The following GHR variants were observed in gnomAD, a reference collection of about 807,000 sequenced individuals.
GHR encodes GH receptor.
Under a neutral mutation model 67.1 loss-of-function variants are expected in GHR, and 35 were observed. The ratio of observed to expected loss-of-function variants is 0.52; its 90% CI spans 0.40 to 0.69. The LOEUF is 0.69. GHR is among the 30% of genes least tolerant of loss of function. The pLI is 0.00. For missense variants in GHR, 792 were observed against 764.6 expected, an observed-to-expected ratio of 1.04 and a Z score of -0.42; for synonymous variants, 272 against 269.1, an observed-to-expected ratio of 1.01 and a Z score of -0.10.
chr5:42,470,654 C>T (rs1313880665), intron 1 of GHR, among the ~76,000 whole-genome samples: 31 of 152,176 alleles, frequency 2.0e-4, no homozygotes, highest in Non-Finnish European at 8.8e-5. Flanking sequence ...GAGCAAAATT[C>T]TAAACTTACA....
chr5:42,524,587 G>A (rs888516149), intron 1 of GHR, among the ~76,000 whole-genome samples: 7 of 152,126 alleles, frequency 4.6e-5, no homozygotes, highest in Non-Finnish European at 7.4e-5. Flanking sequence ...AATTCAAGCC[G>A]GCTGCAGAAA....
chr5:42,428,199 G>A (rs1176095665), intron 1 of GHR, among the ~76,000 whole-genome samples: 1 of 152,202 alleles, frequency 6.6e-6, no homozygotes, highest in Non-Finnish European at 1.5e-5. Flanking sequence ...CCAAACCTCA[G>A]TTCTTGTCTT....
intron 3 of GHR, among the ~76,000 whole-genome samples, chr5:42,642,168 A>G (rs1754509902): frequency 6.6e-6 from 1 of 152,204 alleles, no homozygotes; most frequent in Non-Finnish European, 1.5e-5. Context: ...GCAAGAAGTC[A>G]TAGAAGACCA....
At chr5:42,671,753 G>C (rs1437104675) in intron 3 of GHR, among the ~76,000 whole-genome samples, 3 of 151,454 alleles carry the variant, frequency 2.0e-5, no homozygotes, top group Non-Finnish European at 4.4e-5. Context: ...TCAGGAGATC[G>C]AGACCATCCC....
At chr5:42,606,985 C>T (rs1187355723) in intron 2 of GHR, among the ~76,000 whole-genome samples, 1 of 152,102 alleles carries the variant, frequency 6.6e-6, no homozygotes, top group Non-Finnish European at 1.5e-5. Context: ...TCTGTGTCCC[C>T]ACCCAAAGAT....
At chr5:42,505,051 T>A (rs1746701568) in intron 1 of GHR, among the ~76,000 whole-genome samples, 1 of 152,086 alleles carries the variant, frequency 6.6e-6, no homozygotes, top group Admixed American at 6.5e-5. Context: ...CAGGTCAGAT[T>A]TTAACTACGT....
chr5:42,691,366 C>T (rs1366384016), intron 4 of GHR, among the ~76,000 whole-genome samples: 2 of 152,170 alleles, frequency 1.3e-5, no homozygotes, highest in African/African-American at 2.4e-5. Context: ...TATGAGCCCA[C>T]AGCCCAGTTT....
chr5:42,711,763 A>G (rs549323547), intron 7 of GHR, among the ~76,000 whole-genome samples: 10 of 152,276 alleles, frequency 6.6e-5, no homozygotes, highest in Admixed American at 3.3e-4. Context: ...GAAAGTATGT[A>G]TCTATATGGA....
chr5:42,441,514 GT>G (rs35357870), intron 1 of GHR, among the ~76,000 whole-genome samples: 30,364 of 146,852 alleles, frequency 0.21, 3,352 homozygotes, highest in Middle Eastern at 0.3. Context: ...TAAAGGAGGA[GT>G]TTTTTTTTTT....
rs1239619864 is a variant in GHR at position 42,484,412 on chromosome 5, A to G, written c.-12+60457A>G. ...GATTTCCAGACATTGTAAAGAGTAA[A>G]TGCATCAGAAATAAGCATTTTCCAG... is the stretch of plus-strand genomic sequence containing the variant. On this transcript the variant is annotated intron_variant, in intron 1 of 9. Transcript: ENST00000230882. Among the ~76,000 whole-genome samples the G allele has an allele frequency of 1.3e-4, 20 of 152,256 alleles. 1 individual carries two copies. Among genetic ancestry groups the G allele is most frequent in the Admixed American group, 1.3e-3 (20 of 15,288 alleles).
chr5:42,692,333 C>T (rs1404998471), intron 4 of GHR, among the ~76,000 whole-genome samples: 5 of 151,642 alleles, frequency 3.3e-5, no homozygotes, highest in African/African-American at 1.2e-4. Context: ...TGGTTCTCAC[C>T]CCTTCCATTT....
chr5:42,447,198 G>A (rs912018572), intron 1 of GHR, among the ~76,000 whole-genome samples: 4 of 151,876 alleles, frequency 2.6e-5, no homozygotes, highest in Non-Finnish European at 4.4e-5. Context: ...TTGGTTCCAC[G>A]AATAAGTTCT....
intron 1 of GHR, among the ~76,000 whole-genome samples, chr5:42,505,618 G>A (rs1185054443): frequency 6.6e-6 from 1 of 152,122 alleles, no homozygotes; most frequent in Admixed American, 6.5e-5. Context: ...ACTTGGGTTT[G>A]AGTCAGAAGC....
At chr5:42,479,480 C>A (rs1303852780) in intron 1 of GHR, among the ~76,000 whole-genome samples, 2 of 152,224 alleles carry the variant, frequency 1.3e-5, no homozygotes, top group Non-Finnish European at 2.9e-5. Flanking sequence ...CTCCTTGTAC[C>A]TCTGGTAGAA....
intron 1 of GHR, among the ~76,000 whole-genome samples, chr5:42,532,733 T>G (rs976879110): frequency 6.6e-6 from 1 of 152,198 alleles, no homozygotes; most frequent in Non-Finnish European, 1.5e-5. Flanking sequence ...ACTACAAATA[T>G]TTTATTTTCA....
At chr5:42,613,370 G>T (rs575354342) in intron 2 of GHR, among the ~76,000 whole-genome samples, 1 of 152,158 alleles carries the variant, frequency 6.6e-6, no homozygotes, top group African/African-American at 2.4e-5. Flanking sequence ...CTTAACCACT[G>T]GGCTTTGTCT....
At chr5:42,574,992 A>T (rs141507132) in intron 2 of GHR, among the ~76,000 whole-genome samples, 74 of 152,292 alleles carry the variant, frequency 4.9e-4, no homozygotes, top group African/African-American at 1.3e-3. Context: ...TTATTTCTAC[A>T]GTTGGTTGAT....
chr5:42,588,968 A>AAATT lies in GHR; in HGVS notation c.70+23025_70+23028dup, dbSNP rs1751637220. On this transcript the variant is annotated intron_variant, in intron 2 of 9. Coordinates refer to ENST00000230882, the MANE Select transcript of GHR (RefSeq NM_000163.5). ...AGAAACTACATCACCTGCTTCACCG[A>AAATT]AATTGAAAAACATTAGATGAACAAC... Among the ~76,000 whole-genome samples the AAATT allele has an allele frequency of 2.6e-5, 4 of 152,318 alleles. No homozygotes were observed. The South Asian group carries it at 8.3e-4, about 32-fold the overall frequency.
intron 6 of GHR, among the ~76,000 whole-genome samples, chr5:42,701,013 G>A (rs1757903960): frequency 6.6e-6 from 1 of 152,240 alleles, no homozygotes; most frequent in South Asian, 2.1e-4. Context: ...TTTAACAACA[G>A]GTACTGAAAT....
Sources: allele counts gnomAD v4.1 joint callset (sites outside exome capture counted in the v4.1 genomes callset), GRCh38; gene constraint gnomAD v4.1.1; transcripts MANE v1.5; gene names NCBI Gene and HGNC (gene_info 2026-07-23, HGNC 2026-07-21).